NACC2: variants seen among roughly 807,000 people sequenced by gnomAD.
The protein encoded by NACC2 is nucleus accumbens-associated protein 2.
NACC2 carries 8 observed loss-of-function variants against 25.1 expected under a neutral mutation model. That is an observed-to-expected ratio of 0.32 (90% CI 0.19 to 0.57). The LOEUF (loss-of-function observed/expected upper bound fraction) is 0.57, where lower values mean the gene tolerates loss of function less well. NACC2 is among the 20% of genes least tolerant of loss of function. NACC2 has a pLI of 0.89. For missense variants in NACC2, 644 were observed against 650.2 expected (o/e 0.99, Z 0.10); for synonymous variants, 435 against 294.7 (o/e 1.48, Z -4.88).
intron 1 of NACC2, among the ~76,000 whole-genome samples, chr9:136,090,131 A>G (rs1044726642): frequency 4.6e-5 from 7 of 152,264 alleles, no homozygotes; most frequent in Non-Finnish European, 1.0e-4. Flanking sequence ...TCAAGAATTC[A>G]GCAAAGATGG....
intron 1 of NACC2, among the ~76,000 whole-genome samples, chr9:136,093,254 C>T (rs543411012): frequency 6.6e-6 from 1 of 152,332 alleles, no homozygotes; most frequent in South Asian, 2.1e-4. Flanking sequence ...AACCGCTCAG[C>T]ACCAAGATCG....
At position 136,022,861 on chromosome 9, in the gene NACC2, C is replaced by T. The variant is rs1464062778; in HGVS notation, c.887-6432G>A. ...AGGTGCCACCAATTTAATCATGCCA[C>T]GCCATAACTGGGAAGGCAAACCATC... On this transcript the variant is annotated intron_variant, in intron 2 of 5. Coordinates refer to ENST00000277554, the MANE Select transcript of NACC2 (RefSeq NM_144653.5). This position sits in a 1 kb window ranked among gnomAD's most constrained non-coding sequence, Gnocchi z 4.4. Among the ~76,000 whole-genome samples the T allele has an allele frequency of 4.6e-5, 7 of 151,454 alleles. No individual in the cohort carries two copies. The highest frequency in any genetic ancestry group is 2.1e-4 in the South Asian group (1 of 4,800).
intron 1 of NACC2, among the ~76,000 whole-genome samples, chr9:136,075,242 G>A (rs568436710): frequency 6.6e-6 from 1 of 152,352 alleles, no homozygotes; most frequent in South Asian, 2.1e-4. Context: ...AGGTGGCCAG[G>A]ACTCCAGGAC....
chr9:136,030,372 G>T (rs1462908841), intron 2 of NACC2, among the ~76,000 whole-genome samples: 1 of 152,048 alleles, frequency 6.6e-6, no homozygotes, highest in East Asian at 2.0e-4. Flanking sequence ...CACTTTGCGA[G>T]GCCAAGGCAG....
chr9:136,051,713 G>A (rs1202266143), intron 1 of NACC2, among the ~76,000 whole-genome samples: 1 of 152,144 alleles, frequency 6.6e-6, no homozygotes, highest in Non-Finnish European at 1.5e-5. Flanking sequence ...GAAGTTGCCG[G>A]CCGGTCGGGA....
At position 136,016,325 on chromosome 9, in the gene NACC2, G is replaced by C; in HGVS notation, c.991C>G (p.Arg331Gly). The C allele has an allele frequency of 6.2e-7, 1 of 1,612,662 alleles. No homozygotes were observed. The highest frequency in any genetic ancestry group is 1.1e-5 in the South Asian group (1 of 91,048). Residue 331 changes from arginine to glycine, a missense_variant, in exon 3 of 6, where the codon CGC becomes GGC. Coordinates refer to ENST00000277554, the MANE Select transcript of NACC2 (RefSeq NM_144653.5). The part of the protein sequence containing the change: ...PASLISQIGY[R>G]CHPKLYSEGD... ...TCCGAGTAGAGCTTGGGATGGCAGC[G>C]GTATCCGATCTGGCTGATGAGGCTG...
intron 2 of NACC2, among the ~76,000 whole-genome samples, chr9:136,029,356 G>C (rs904441968): frequency 2.2e-4 from 34 of 152,254 alleles, no homozygotes; most frequent in African/African-American, 7.9e-4. Flanking sequence ...CCCACTCCAG[G>C]GTCTCCTTGA....
At chr9:136,091,350 C>G (rs1465773341) in intron 1 of NACC2, among the ~76,000 whole-genome samples, 1 of 152,220 alleles carries the variant, frequency 6.6e-6, no homozygotes, top group East Asian at 1.9e-4. Flanking sequence ...CAAGGTCACA[C>G]AGCCTGGGCT....
At chr9:136,038,140 G>T (rs1462892433) in intron 2 of NACC2, among the ~76,000 whole-genome samples, 1 of 152,222 alleles carries the variant, frequency 6.6e-6, no homozygotes, top group East Asian at 1.9e-4. Flanking sequence ...CGGGAGTCAG[G>T]GGAAGCGGGG....
rs553452387 is a variant in NACC2, at chr9:136,091,081, C to T, written c.-60+4108G>A. 5.9e-5 allele frequency among the ~76,000 whole-genome samples: 9 copies of T among 152,342 alleles called. No individual in the cohort carries two copies. In the South Asian group the frequency reaches 1.9e-3, roughly 32 times the overall value. On this transcript the variant is annotated intron_variant, in intron 1 of 5. Transcript: ENST00000277554. The stretch of plus-strand genomic sequence containing the variant: ...GAGACCCGGAGCCAGCCTCTCCTCC[C>T]TGTGGGTCCCTGCAAACAACCTCTG...
rs754265404 is a variant in NACC2, at chr9:136,022,179, C to T, written c.887-5750G>A. On this transcript the variant is annotated intron_variant, in intron 2 of 5. Coordinates refer to ENST00000277554, the MANE Select transcript of NACC2 (RefSeq NM_144653.5). The surrounding 1 kb of genome is among the most constrained non-coding windows in gnomAD (Gnocchi z 4.4). ...CACTTGTGAACTTGGTGGCATCAGGCGCAGAGCAGGTGCACAGGGACCCAG... is the reference window on the plus strand; with the variant it reads ...CACTTGTGAACTTGGTGGCATCAGGTGCAGAGCAGGTGCACAGGGACCCAG... Among the ~76,000 whole-genome samples the T allele has an allele frequency of 1.4e-4, 21 of 152,208 alleles. No individual in the cohort carries two copies. Among genetic ancestry groups the T allele is most frequent in the Non-Finnish European group, 2.4e-4 (16 of 68,032 alleles).
At chr9:136,015,008 G>A (rs971842315) in intron 3 of NACC2, among the ~76,000 whole-genome samples, 2 of 152,068 alleles carry the variant, frequency 1.3e-5, no homozygotes, top group Admixed American at 6.5e-5. Flanking sequence ...GTCCAGGTGC[G>A]CCTGCTTCCA....
At chr9:136,042,965 GAC>G (rs1840666685) in intron 2 of NACC2, among the ~76,000 whole-genome samples, 2 of 146,306 alleles carry the variant, frequency 1.4e-5, no homozygotes. Flanking sequence ...GACACACAGA[GAC>G]ACACACATAG....
At chr9:136,087,334 C>A (rs763126842) in intron 1 of NACC2, among the ~76,000 whole-genome samples, 3 of 152,204 alleles carry the variant, frequency 2.0e-5, no homozygotes, top group Non-Finnish European at 2.9e-5. Context: ...GAGATGGATA[C>A]CCTGCCCCCC....
chr9:136,060,336 G>A (rs1349363653), intron 1 of NACC2, among the ~76,000 whole-genome samples: 1 of 152,264 alleles, frequency 6.6e-6, no homozygotes, highest in African/African-American at 2.4e-5. Context: ...GGGAGGCCCT[G>A]GAGCCGGCTG....
chr9:136,085,168 A>C (rs1830366161), intron 1 of NACC2, among the ~76,000 whole-genome samples: 1 of 25,010 alleles, frequency 4.0e-5, no homozygotes, highest in East Asian at 1.4e-3. Flanking sequence ...TTTTTTGGCG[A>C]GACTGAGTTT....
chr9:136,062,735 C>T (rs774298668), intron 1 of NACC2, among the ~76,000 whole-genome samples: 21 of 152,184 alleles, frequency 1.4e-4, no homozygotes, highest in Non-Finnish European at 2.1e-4. Context: ...GGCAACATGG[C>T]GAAACCCCAT....
intron 1 of NACC2, among the ~76,000 whole-genome samples, chr9:136,091,284 A>C (rs1830431750): frequency 6.6e-6 from 1 of 152,204 alleles, no homozygotes; most frequent in African/African-American, 2.4e-5. Context: ...TCCTCGGAGG[A>C]GGCAGAGGAT....
rs1840105179 is a variant in NACC2 at position 136,011,509 on chromosome 9, G to GC, written c.*6dup. On this transcript the variant is annotated 3_prime_UTR_variant, in exon 6 of 6. Transcript: ENST00000277554. Reference sequence around the variant, plus strand: ...ACTCGGTCCCTCGCGCAGCCACCCAGCTCCGCTTACAAGGTCCCTGCATAG... The same window carrying GC: ...ACTCGGTCCCTCGCGCAGCCACCCAGCCTCCGCTTACAAGGTCCCTGCATAG... 1 of 1,376,286 alleles carries GC rather than the reference G, an allele frequency of 7.3e-7. No homozygotes were observed. Among genetic ancestry groups the GC allele is most frequent in the African/African-American group, 1.5e-5 (1 of 66,512 alleles). The allele number at this position is 1,376,286 out of a possible 1,614,324, so 85.3% of individuals were successfully genotyped here. A position where few individuals can be genotyped will look rare whatever the true frequency, so the allele number is the denominator to read the frequency against.
Sources: allele counts gnomAD v4.1 joint callset (sites outside exome capture counted in the v4.1 genomes callset), GRCh38; gene constraint gnomAD v4.1.1; non-coding constraint Gnocchi (gnomAD v3.1); transcripts MANE v1.5; gene names NCBI Gene and HGNC (gene_info 2026-07-23, HGNC 2026-07-21).